The following OPHN1 variants were observed in gnomAD, a reference collection of about 807,000 sequenced individuals.
OPHN1 encodes the protein oligophrenin 1, also known as oligophrenin-1.
In OPHN1, 11 loss-of-function variants were observed where a neutral mutation model predicts 60.7. The observed-to-expected ratio is 0.18, with a 90% CI of 0.11 to 0.30. The LOEUF (loss-of-function observed/expected upper bound fraction) is 0.30, where lower values mean the gene tolerates loss of function less well. OPHN1 is among the 10% of genes least tolerant of loss of function. The pLI, the probability that OPHN1 is intolerant of heterozygous loss-of-function variation, is 1.00. For missense variants in OPHN1, 449 were observed against 611.0 expected (o/e 0.73, Z 2.80); for synonymous variants, 226 against 222.6 (o/e 1.02, Z -0.14).
rs1447196542 is a variant in OPHN1, at chrX:68,300,435, CTT to C, written c.155-1341_155-1340del. 5.3e-5 allele frequency among the ~76,000 whole-genome samples: 6 copies of C among 112,540 alleles called. No individual in the cohort carries two copies. The Admixed American group carries it at 5.7e-4, about 11-fold the overall frequency. ...ATTATCAGAATTTTAAGTCTTAACT[CTT>C]TGAACGAATCACTGAAAATAGTAAT... On this transcript the variant is annotated intron_variant, in intron 2 of 24. Coordinates refer to ENST00000355520, the MANE Select transcript of OPHN1 (RefSeq NM_002547.3).
At chrX:68,322,701 C>T (rs970464048) in intron 2 of OPHN1, among the ~76,000 whole-genome samples, 1 of 111,208 alleles carries the variant, frequency 9.0e-6, no homozygotes, top group Non-Finnish European at 1.9e-5. Context: ...TCAGAAGAAT[C>T]GCTTGAATCC....
intron 6 of OPHN1, among the ~76,000 whole-genome samples, chrX:68,217,550 C>T (rs1171738408): frequency 1.1e-4 from 12 of 109,271 alleles, no homozygotes; most frequent in African/African-American, 3.3e-4. Flanking sequence ...TTGAAGAGGG[C>T]AGTGGTTCTC....
At chrX:68,370,518 A>C (rs1231056492) in intron 2 of OPHN1, among the ~76,000 whole-genome samples, 2 of 110,960 alleles carry the variant, frequency 1.8e-5, no homozygotes, top group Non-Finnish European at 3.8e-5. Flanking sequence ...AAAAAAAAAA[A>C]AAAAGAGATG....
At chrX:68,108,325 C>T (rs921502322) in intron 18 of OPHN1, among the ~76,000 whole-genome samples, 4 of 111,827 alleles carry the variant, frequency 3.6e-5, no homozygotes, top group East Asian at 2.8e-4. Flanking sequence ...AAAGGAAATG[C>T]TATTTAAAAA....
At chrX:68,424,618 TAAA>T (rs1014700010) in intron 2 of OPHN1, among the ~76,000 whole-genome samples, 1 of 111,206 alleles carries the variant, frequency 9.0e-6, no homozygotes, top group African/African-American at 3.3e-5. Flanking sequence ...TGGCTATGCT[TAAA>T]AAAAATAAGG....
chrX:68,246,928 G>A (rs2077808770), intron 5 of OPHN1, among the ~76,000 whole-genome samples: 1 of 111,474 alleles, frequency 9.0e-6, no homozygotes, highest in Non-Finnish European at 1.9e-5. Flanking sequence ...TAAGAGGTGG[G>A]TTAAACTATC....
At chrX:68,125,572 G>T (rs2077166386) in intron 15 of OPHN1, among the ~76,000 whole-genome samples, 1 of 109,992 alleles carries the variant, frequency 9.1e-6, no homozygotes, top group South Asian at 3.9e-4. Flanking sequence ...CAATAAATTG[G>T]AAAACTAGAA....
chrX:68,178,183 A>C (rs1420512218), intron 15 of OPHN1, among the ~76,000 whole-genome samples: 1 of 111,712 alleles, frequency 9.0e-6, no homozygotes, highest in East Asian at 2.8e-4. Flanking sequence ...TATACATTTA[A>C]AAATTTCCTA....
chrX:68,433,114 C>A (rs772945092), intron 1 of OPHN1, 54 bp downstream of exon 1: 126 of 914,426 alleles, frequency 1.4e-4, no homozygotes, highest in Non-Finnish European at 1.7e-4. Flanking sequence ...ACGGACTGAG[C>A]GCGCGACCCG....
At chrX:68,125,956 T>TATAC (rs2077169399) in intron 15 of OPHN1, among the ~76,000 whole-genome samples, 1 of 76,335 alleles carries the variant, frequency 1.3e-5, no homozygotes, top group African/African-American at 5.2e-5. Context: ...TATATATATA[T>TATAC]ACATACACAC....
chrX:68,046,170 G>C lies in OPHN1; in HGVS notation c.*1002C>G, dbSNP rs1019108310. ...TCATGGAATTGTGCATACCATCTCA[G>C]GGGCATCATGGAGTTTCTGAGTCCA... is the stretch of plus-strand genomic sequence containing the variant. On this transcript the variant is annotated 3_prime_UTR_variant, in exon 25 of 25. Coordinates refer to ENST00000355520, the MANE Select transcript of OPHN1 (RefSeq NM_002547.3). 2.7e-5 allele frequency: 3 copies of C among 111,992 alleles called. No individual in the cohort carries two copies. Among genetic ancestry groups the C allele is most frequent in the African/African-American group, 9.7e-5 (3 of 30,816 alleles). 9.2% of individuals were successfully genotyped at this position (111,992 alleles called of 1,213,427 possible). A position where few individuals can be genotyped will look rare whatever the true frequency, so the allele number is the denominator to read the frequency against.
At chrX:68,088,388 C>G (rs904473201) in intron 19 of OPHN1, among the ~76,000 whole-genome samples, 1 of 111,770 alleles carries the variant, frequency 8.9e-6, no homozygotes, top group African/African-American at 3.2e-5. Context: ...TCTCTATCTA[C>G]TCAGCATGGA....
chrX:68,064,198 G>A, intron 20 of OPHN1, 21 bp from the exon 21 acceptor site: 4 of 1,191,628 alleles, frequency 3.4e-6, no homozygotes, highest in Non-Finnish European at 4.6e-6. Flanking sequence ...TTGGTGCCAA[G>A]AGGGAAGATT....
chrX:68,351,507 A>G (rs2078410440), intron 2 of OPHN1, among the ~76,000 whole-genome samples: 2 of 111,345 alleles, frequency 1.8e-5, no homozygotes, highest in African/African-American at 6.5e-5. Flanking sequence ...TAATGACCAT[A>G]TATTCCAAAT....
chrX:68,191,167 G>A (rs1243342786), intron 15 of OPHN1, among the ~76,000 whole-genome samples: 1 of 111,832 alleles, frequency 8.9e-6, no homozygotes, highest in African/African-American at 3.3e-5. Context: ...TGCCACCCAC[G>A]AAAGGAAGAA....
intron 2 of OPHN1, among the ~76,000 whole-genome samples, chrX:68,354,754 C>CAAAA (rs57233437): frequency 2.1e-5 from 1 of 46,555 alleles, no homozygotes; most frequent in African/African-American, 6.1e-5. Context: ...GACTCCGTCT[C>CAAAA]AAAAAAAAAA....
At chrX:68,184,933 A>G (rs1281207751) in intron 15 of OPHN1, among the ~76,000 whole-genome samples, 2 of 112,531 alleles carry the variant, frequency 1.8e-5, no homozygotes, top group Non-Finnish European at 3.7e-5. Context: ...TGGTCAACAC[A>G]GGAAGCACTG....
At chrX:68,124,398 C>T (rs2077161898) in intron 15 of OPHN1, among the ~76,000 whole-genome samples, 2 of 110,923 alleles carry the variant, frequency 1.8e-5, no homozygotes, top group Non-Finnish European at 3.8e-5. Flanking sequence ...AGCACCCAAA[C>T]ATATAAATAT....
chrX:68,347,046 G>GA lies in OPHN1; in HGVS notation c.155-47951dup, dbSNP rs548269700. 2.1e-4 allele frequency among the ~76,000 whole-genome samples: 24 copies of GA among 111,731 alleles called. No individual in the cohort carries two copies. The East Asian group carries it at 5.7e-3, about 26-fold the overall frequency. ...TGACACATGCTATAATATGTCAGAG[G>GA]AAAAGACACATATCCCAAGACTTTC... On this transcript the variant is annotated intron_variant, in intron 2 of 24. Transcript: ENST00000355520.
Sources: allele counts gnomAD v4.1 joint callset (sites outside exome capture counted in the v4.1 genomes callset), GRCh38; gene constraint gnomAD v4.1.1; transcripts MANE v1.5; gene names NCBI Gene and HGNC (gene_info 2026-07-23, HGNC 2026-07-21).